The following TPST1 variants were observed in gnomAD, a reference collection of about 807,000 sequenced individuals.
The protein encoded by TPST1 is protein-tyrosine sulfotransferase 1.
In TPST1, 20 loss-of-function variants were observed where a neutral mutation model predicts 34.8. The observed-to-expected ratio is 0.57, with a 90% CI of 0.40 to 0.84. The LOEUF (loss-of-function observed/expected upper bound fraction) is 0.84. TPST1 is among the 40% of genes least tolerant of loss of function. The probability of loss-of-function intolerance (pLI) is 0.00; values close to 1 mark genes in which losing one functional copy is unlikely to be tolerated. For synonymous variants in TPST1, 152 were observed against 159.4 expected, an observed-to-expected ratio of 0.95 and a Z score of 0.35; for missense variants, 353 against 455.5, an observed-to-expected ratio of 0.78 and a Z score of 2.05.
chr7:66,325,371 TTTTTC>T (rs1196960669), intron 3 of TPST1, among the ~76,000 whole-genome samples: 7 of 152,154 alleles, frequency 4.6e-5, no homozygotes, highest in African/African-American at 1.7e-4. Flanking sequence ...ATCACTACCA[TTTTTC>T]TTTTCTTTTT....
At chr7:66,268,422 C>G (rs566224826) in intron 2 of TPST1, among the ~76,000 whole-genome samples, 1 of 152,216 alleles carries the variant, frequency 6.6e-6, no homozygotes, top group South Asian at 2.1e-4. Flanking sequence ...ATGTGTCTTA[C>G]TCAGTGGCAA....
Position 66,286,517 on chromosome 7 carries a change from G to A in TPST1, c.852G>A (p.Glu284=), listed in dbSNP as rs1205244561. The part of the protein sequence containing the change: ...KAGGVSLSKV[E]RSTDQVIKPV... ...CATATTATGTTGTTTTCAGAGTGGA[G>A]AGATCTACAGACCAAGTAATCAAGC... Residue 284 remains glutamate, a synonymous_variant, in exon 3 of 6, where the codon GAG becomes GAA. Coordinates refer to ENST00000304842, the MANE Select transcript of TPST1 (RefSeq NM_003596.4). 4 of 1,583,206 alleles carry A rather than the reference G, an allele frequency of 2.5e-6. No individual in the cohort carries two copies. Among genetic ancestry groups the A allele is most frequent in the African/African-American group, 1.4e-5 (1 of 73,786 alleles).
chr7:66,285,862 T>C (rs1791023560), intron 2 of TPST1, among the ~76,000 whole-genome samples: 1 of 152,238 alleles, frequency 6.6e-6, no homozygotes, highest in Admixed American at 6.5e-5. Context: ...TAATATTGAA[T>C]CCTGTAATAT....
At chr7:66,293,192 C>T (rs1006777510) in intron 3 of TPST1, among the ~76,000 whole-genome samples, 11 of 150,404 alleles carry the variant, frequency 7.3e-5, no homozygotes, top group East Asian at 2.0e-4. Context: ...GATGACAGAG[C>T]GAGACTCCAT....
rs73365447 is a variant in TPST1 at position 66,294,594 on chromosome 7, A to G, written c.1044+7885A>G. Reference sequence around the variant, plus strand: ...AAACAATAATCGCTATCCTCTTTACACTTTTTATATATATATAAATATTTC... The same window carrying G: ...AAACAATAATCGCTATCCTCTTTACGCTTTTTATATATATATAAATATTTC... On this transcript the variant is annotated intron_variant, in intron 3 of 5. Transcript: ENST00000304842. Among the ~76,000 whole-genome samples the G allele has an allele frequency of 1.1e-3, 167 of 151,672 alleles. 1 individual carries two copies. Among genetic ancestry groups the G allele is most frequent in the African/African-American group, 3.9e-3 (163 of 41,492 alleles).
intron 2 of TPST1, among the ~76,000 whole-genome samples, chr7:66,255,627 A>G (rs191484304): frequency 2.0e-5 from 3 of 152,300 alleles, no homozygotes; most frequent in Admixed American, 1.3e-4. Flanking sequence ...GTTTCAGAAT[A>G]CCCAAAAAAT....
chr7:66,294,779 TCTCTC>T (rs1287852280), intron 3 of TPST1, among the ~76,000 whole-genome samples: 1 of 152,108 alleles, frequency 6.6e-6, no homozygotes, highest in East Asian at 1.9e-4. Flanking sequence ...TGATGTATTT[TCTCTC>T]CTCTGCATTA....
chr7:66,252,866 G>A (rs1021246708), intron 2 of TPST1, among the ~76,000 whole-genome samples: 1 of 151,854 alleles, frequency 6.6e-6, no homozygotes, highest in African/African-American at 2.4e-5. Flanking sequence ...TGTTAATCTG[G>A]AATTTATTAA....
At chr7:66,206,439 T>C (rs1789133078) in intron 1 of TPST1, among the ~76,000 whole-genome samples, 1 of 152,192 alleles carries the variant, frequency 6.6e-6, no homozygotes. Flanking sequence ...AGAAGTCCAG[T>C]GTCCACAGGG....
At chr7:66,252,503 G>C (rs1322718499) in intron 2 of TPST1, among the ~76,000 whole-genome samples, 1 of 149,870 alleles carries the variant, frequency 6.7e-6, no homozygotes, top group Non-Finnish European at 1.5e-5. Context: ...CACCATGCCC[G>C]GCTAATTTTT....
At chr7:66,232,780 G>A (rs1381328126) in intron 1 of TPST1, among the ~76,000 whole-genome samples, 1 of 152,154 alleles carries the variant, frequency 6.6e-6, no homozygotes, top group Non-Finnish European at 1.5e-5. Context: ...TTAGCCTTCT[G>A]AGGAAAACTG....
At chr7:66,333,461 G>A (rs936970627) in intron 3 of TPST1, among the ~76,000 whole-genome samples, 1 of 152,192 alleles carries the variant, frequency 6.6e-6, no homozygotes, top group East Asian at 1.9e-4. Flanking sequence ...CAGAAGGCCT[G>A]CTAGAGATGC....
At chr7:66,229,881 C>T (rs150717299) in intron 1 of TPST1, among the ~76,000 whole-genome samples, 21 of 152,268 alleles carry the variant, frequency 1.4e-4, no homozygotes, top group Admixed American at 4.6e-4. Flanking sequence ...AAATTCCCTA[C>T]TATCTAGGTT....
At chr7:66,317,703 A>C (rs368187556) in intron 3 of TPST1, among the ~76,000 whole-genome samples, 3 of 151,382 alleles carry the variant, frequency 2.0e-5, no homozygotes, top group African/African-American at 7.3e-5. Flanking sequence ...TTGCAGACCT[A>C]TTGTCCCTTT....
intron 3 of TPST1, among the ~76,000 whole-genome samples, chr7:66,341,649 C>T (rs192431092): frequency 1.3e-3 from 198 of 152,300 alleles, no homozygotes; most frequent in African/African-American, 4.6e-3. Context: ...CATAATTATA[C>T]TCAACTCTCA....
Position 66,212,733 on chromosome 7 carries a change from G to A in TPST1, c.-102+7211G>A, listed in dbSNP as rs963907631. The stretch of plus-strand genomic sequence containing the variant: ...CCTTGGCCTCCCAAAGTGCTGAGGT[G>A]TGAGCCACTGCGCCCGACCTCAGTG... On this transcript the variant is annotated intron_variant, in intron 1 of 5. Transcript: ENST00000304842. Among the ~76,000 whole-genome samples the A allele has an allele frequency of 5.3e-5, 8 of 152,134 alleles. No individual in the cohort carries two copies. The East Asian group carries it at 1.5e-3, about 29-fold the overall frequency.
At position 66,240,437 on chromosome 7, in the gene TPST1, G is replaced by A. The variant is rs10259709; in HGVS notation, c.12G>A (p.Lys4=). The A allele has an allele frequency of 2.1e-4, 331 of 1,613,412 alleles. 2 individuals are homozygous for A. In the African/African-American group the frequency reaches 4.0e-3, roughly 19 times the overall value. Residue 4 remains lysine, a synonymous_variant, in exon 2 of 6, where the codon AAG becomes AAA. Transcript: ENST00000304842. ...ATAACCACATCAAGATGGTTGGAAA[G>A]CTGAAGCAGAACTTACTATTGGCAT... is the stretch of plus-strand genomic sequence containing the variant. MVG[K]LKQNLLLACL...
At chr7:66,212,025 A>C (rs1259942503) in intron 1 of TPST1, among the ~76,000 whole-genome samples, 1 of 152,154 alleles carries the variant, frequency 6.6e-6, no homozygotes, top group African/African-American at 2.4e-5. Context: ...GATTAATATA[A>C]ATATTATTTG....
chr7:66,325,236 A>T (rs1276353403), intron 3 of TPST1, among the ~76,000 whole-genome samples: 2 of 152,194 alleles, frequency 1.3e-5, no homozygotes, highest in African/African-American at 2.4e-5. Flanking sequence ...CACTATCACG[A>T]GGACAGCATG....
Sources: allele counts gnomAD v4.1 joint callset (sites outside exome capture counted in the v4.1 genomes callset), GRCh38; gene constraint gnomAD v4.1.1; transcripts MANE v1.5; gene names NCBI Gene and HGNC (gene_info 2026-07-23, HGNC 2026-07-21).